The following SAMMSON variants were observed in gnomAD, a reference collection of about 807,000 sequenced individuals.
SAMMSON encodes the protein survival associated mitochondrial melanoma specific oncogenic non-coding RNA.
chr3:70,408,367 T>G (rs933202679), intron 2 of SAMMSON, among the ~76,000 whole-genome samples: 3 of 152,232 alleles, frequency 2.0e-5, no homozygotes, highest in Non-Finnish European at 4.4e-5. Context: ...GCTGCACATT[T>G]TCTGAACTTT....
chr3:70,048,578 G>A (rs953272749), intron 3 of SAMMSON, among the ~76,000 whole-genome samples: 3 of 151,954 alleles, frequency 2.0e-5, no homozygotes, highest in African/African-American at 4.8e-5. Flanking sequence ...CTTTAAGAGG[G>A]TAAAACTGTA....
At chr3:70,096,723 G>A (rs532585849) in intron 4 of SAMMSON, among the ~76,000 whole-genome samples, 6 of 152,248 alleles carry the variant, frequency 3.9e-5, no homozygotes, top group African/African-American at 1.2e-4. Flanking sequence ...CTTAGAAGCT[G>A]CCTACAGAAT....
intron 2 of SAMMSON, among the ~76,000 whole-genome samples, chr3:70,417,247 C>A (rs1701271192): frequency 6.6e-6 from 1 of 152,174 alleles, no homozygotes; most frequent in Non-Finnish European, 1.5e-5. Flanking sequence ...CTGCCTAGAA[C>A]CGTCATCAGT....
chr3:70,066,777 C>T (rs2107593500), intron 3 of SAMMSON, among the ~76,000 whole-genome samples: 1 of 152,184 alleles, frequency 6.6e-6, no homozygotes, highest in East Asian at 1.9e-4. Flanking sequence ...ATTGAAGAAA[C>T]AGCAGGTAGG....
chr3:70,182,664 A>C (rs914642807), intron 4 of SAMMSON, among the ~76,000 whole-genome samples: 1 of 152,142 alleles, frequency 6.6e-6, no homozygotes, highest in African/African-American at 2.4e-5. Context: ...CTTTAGCCCA[A>C]TTTGGCTCAA....
At chr3:70,023,312 T>G (rs1012056017) in intron 3 of SAMMSON, among the ~76,000 whole-genome samples, 1 of 150,868 alleles carries the variant, frequency 6.6e-6, no homozygotes, top group Non-Finnish European at 1.5e-5. Context: ...AAAAAAAAAA[T>G]TAGCCAGGCG....
intron 6 of SAMMSON, among the ~76,000 whole-genome samples, chr3:70,285,421 T>A (rs1034335270): frequency 6.6e-6 from 1 of 152,100 alleles, no homozygotes; most frequent in African/African-American, 2.4e-5. Flanking sequence ...TATTCTATGG[T>A]GTATATATGC....
chr3:70,236,793 T>C (rs1302076039), intron 4 of SAMMSON, among the ~76,000 whole-genome samples: 2 of 152,112 alleles, frequency 1.3e-5, no homozygotes, highest in Admixed American at 1.3e-4. Flanking sequence ...ATGGGGTCTT[T>C]GTATGTTGCC....
chr3:70,128,119 G>A (rs1040553996), intron 4 of SAMMSON, among the ~76,000 whole-genome samples: 1 of 152,164 alleles, frequency 6.6e-6, no homozygotes, highest in African/African-American at 2.4e-5. Flanking sequence ...AATGTGTCTG[G>A]GGGAGCATCC....
intron 7 of SAMMSON, among the ~76,000 whole-genome samples, chr3:70,310,796 C>A (rs1702447342): frequency 6.6e-6 from 1 of 152,142 alleles, no homozygotes; most frequent in African/African-American, 2.4e-5. Flanking sequence ...AGATCATGTT[C>A]TGACGAGTAA....
chr3:70,397,544 G>A (rs1216285291), intron 2 of SAMMSON, among the ~76,000 whole-genome samples: 1 of 152,236 alleles, frequency 6.6e-6, no homozygotes, highest in South Asian at 2.1e-4. Flanking sequence ...ACAATGTTCT[G>A]TTGAAGACTG....
At chr3:70,411,475 T>G (rs1326371876) in intron 2 of SAMMSON, among the ~76,000 whole-genome samples, 1 of 152,198 alleles carries the variant, frequency 6.6e-6, no homozygotes, top group Admixed American at 6.5e-5. Flanking sequence ...ATTTTTTCAT[T>G]GTTTATTTCT....
chr3:70,290,239 G>A (rs532097800), intron 6 of SAMMSON, among the ~76,000 whole-genome samples: 1 of 152,096 alleles, frequency 6.6e-6, no homozygotes, highest in Non-Finnish European at 1.5e-5. Context: ...TGGGTTTTTG[G>A]TGTGGATGTC....
At chr3:70,035,796 G>A (rs1053309885) in intron 3 of SAMMSON, among the ~76,000 whole-genome samples, 2 of 152,180 alleles carry the variant, frequency 1.3e-5, no homozygotes, top group Non-Finnish European at 2.9e-5. Flanking sequence ...CACACTCATT[G>A]TGTACAAATG....
At chr3:70,024,293 C>T (rs2067028565) in intron 3 of SAMMSON, among the ~76,000 whole-genome samples, 1 of 152,132 alleles carries the variant, frequency 6.6e-6, no homozygotes, top group Admixed American at 6.6e-5. Context: ...TATTATTTTT[C>T]ATGATTTATC....
intron 7 of SAMMSON, among the ~76,000 whole-genome samples, chr3:70,293,214 C>A (rs1196878619): frequency 1.3e-5 from 2 of 151,930 alleles, no homozygotes; most frequent in African/African-American, 2.4e-5. Context: ...CTGGTGAAGC[C>A]TACAGACTCC....
At chr3:70,427,686 C>G (rs1367641905) in intron 2 of SAMMSON, among the ~76,000 whole-genome samples, 1 of 146,024 alleles carries the variant, frequency 6.8e-6, no homozygotes, top group East Asian at 2.0e-4. Context: ...TGCAGTGAGT[C>G]GAGATCGCGC....
At chr3:70,198,608 C>T (rs1391558358) in intron 4 of SAMMSON, among the ~76,000 whole-genome samples, 1 of 152,186 alleles carries the variant, frequency 6.6e-6, no homozygotes, top group African/African-American at 2.4e-5. Flanking sequence ...CATCCTCTTT[C>T]TCTTACCTTC....
At chr3:70,376,489 C>T (rs1703016679) in intron 9 of SAMMSON, among the ~76,000 whole-genome samples, 2 of 152,128 alleles carry the variant, frequency 1.3e-5, no homozygotes, top group African/African-American at 2.4e-5. Context: ...TGTACACATA[C>T]ATTGGTGCTA....
Sources: allele counts gnomAD v4.1 joint callset (sites outside exome capture counted in the v4.1 genomes callset), GRCh38; gene constraint gnomAD v4.1.1; transcripts MANE v1.5; gene names NCBI Gene and HGNC (gene_info 2026-07-23, HGNC 2026-07-21).